Variants in ZSCAN5A observed in about 807,000 individuals in gnomAD.
ZSCAN5A encodes zinc finger and SCAN domain-containing protein 5A.
ZSCAN5A carries 12 observed loss-of-function variants against 23.7 expected under a neutral mutation model. The ratio of observed to expected loss-of-function variants is 0.51; its 90% CI spans 0.32 to 0.82. The LOEUF is 0.82. Ranked by LOEUF, ZSCAN5A falls within the 40% of genes least tolerant of loss-of-function variation. The pLI is 0.03. For missense variants in ZSCAN5A, 597 were observed against 617.9 expected (o/e 0.97, Z 0.36); for synonymous variants, 257 against 239.9 (o/e 1.07, Z -0.66).
intron 2 of ZSCAN5A, among the ~76,000 whole-genome samples, chr19:56,271,291 AC>A (rs2037830075): frequency 6.6e-6 from 1 of 152,086 alleles, no homozygotes; most frequent in Non-Finnish European, 1.5e-5. Context: ...CTTTCCCACT[AC>A]CCTGCCTGCC....
At position 56,221,470 on chromosome 19, in the gene ZSCAN5A, C is replaced by G. The variant is rs987509992; in HGVS notation, c.*105G>C. On this transcript the variant is annotated 3_prime_UTR_variant, in exon 6 of 6. Transcript: ENST00000683990. ...GCAATTCATATCTAGGGCACTCCCT[C>G]TGTGTGTCAGACGCCCTTGCATGTG... is the stretch of plus-strand genomic sequence containing the variant. 9 of 1,404,210 alleles carry G rather than the reference C, an allele frequency of 6.4e-6. No individual in the cohort carries two copies. The highest frequency in any genetic ancestry group is 7.7e-6 in the Non-Finnish European group (8 of 1,037,788). The allele number at this position is 1,404,210 out of a possible 1,614,324, so 87.0% of individuals were successfully genotyped here. A position where few individuals can be genotyped will look rare whatever the true frequency, so the allele number is the denominator to read the frequency against.
intron 2 of ZSCAN5A, chr19:56,246,605 C>T (rs530473511): frequency 3.7e-5 from 25 of 672,394 alleles, no homozygotes; most frequent in African/African-American, 2.0e-4. Flanking sequence ...CAGAGACCTA[C>T]GGTCCAATGT....
At chr19:56,255,633 A>C (rs2146793662) in intron 2 of ZSCAN5A, among the ~76,000 whole-genome samples, 2 of 151,700 alleles carry the variant, frequency 1.3e-5, no homozygotes, top group South Asian at 2.1e-4. Context: ...TCCCTCAAAG[A>C]AGCTGTTTTT....
chr19:56,309,631 C>G (rs2040905358), intron 2 of ZSCAN5A, among the ~76,000 whole-genome samples: 1 of 152,222 alleles, frequency 6.6e-6, no homozygotes, highest in South Asian at 2.1e-4. Flanking sequence ...CACCCAGAAG[C>G]AAACCTTAAG....
At chr19:56,252,937 G>A (rs1262815737) in intron 2 of ZSCAN5A, among the ~76,000 whole-genome samples, 2 of 152,254 alleles carry the variant, frequency 1.3e-5, no homozygotes, top group Non-Finnish European at 1.5e-5. Flanking sequence ...GGAGCAAGAA[G>A]AAAGACAAGA....
chr19:56,324,813 C>A lies in ZSCAN5A; in HGVS notation c.-357-8545G>T, dbSNP rs2041417809. 2.6e-5 allele frequency among the ~76,000 whole-genome samples: 4 copies of A among 152,204 alleles called. No homozygotes were observed. In the South Asian group the frequency reaches 6.2e-4, roughly 24 times the overall value. On this transcript the variant is annotated intron_variant, in intron 2 of 6. Coordinates refer to the ZSCAN5A transcript ENST00000587340. ...AAGTCCTGGAACAGGTTGTGTGAGC[C>A]CCTTGAGGCATTCACCCAGCACTGT...
chr19:56,321,042 GA>G (rs1417517342), intron 2 of ZSCAN5A: 3 of 705,794 alleles, frequency 4.3e-6, no homozygotes, highest in Middle Eastern at 2.6e-4. Flanking sequence ...TTCTCTCACT[GA>G]CATGGACAAC....
intron 2 of ZSCAN5A, among the ~76,000 whole-genome samples, chr19:56,294,415 T>C (rs1474304507): frequency 6.6e-6 from 1 of 152,256 alleles, no homozygotes; most frequent in Non-Finnish European, 1.5e-5. Flanking sequence ...GATTCTATTT[T>C]CCTACCTGAT....
intron 2 of ZSCAN5A, chr19:56,338,550 C>A (rs1319385407): frequency 1.3e-5 from 2 of 152,190 alleles, no homozygotes; most frequent in African/African-American, 4.8e-5. Context: ...GGTTACTTTC[C>A]AGGAAGACTA....
intron 2 of ZSCAN5A, among the ~76,000 whole-genome samples, chr19:56,227,769 T>G (rs964343456): frequency 6.6e-6 from 1 of 151,800 alleles, no homozygotes; most frequent in African/African-American, 2.4e-5. Context: ...TTAAAAAGGG[T>G]GTGTGGCAGG....
intron 2 of ZSCAN5A, chr19:56,340,877 CAGG>C (rs1230853008): frequency 6.8e-5 from 10 of 147,822 alleles, no homozygotes; most frequent in African/African-American, 2.4e-4. Context: ...TCTTCCCTTG[CAGG>C]AGAAGAGGGA....
intron 2 of ZSCAN5A, among the ~76,000 whole-genome samples, chr19:56,226,499 C>A (rs1202863826): frequency 1.3e-5 from 2 of 152,172 alleles, no homozygotes; most frequent in African/African-American, 4.8e-5. Flanking sequence ...CAGGGACATG[C>A]AAATCCAAAC....
At chr19:56,363,421 G>A (rs1295915340) in intron 1 of ZSCAN5A, 1 of 152,184 alleles carries the variant, frequency 6.6e-6, no homozygotes, top group African/African-American at 2.4e-5. Flanking sequence ...AGCCAGTGGA[G>A]TATTGCTATA....
chr19:56,300,171 T>G (rs2040135344), intron 2 of ZSCAN5A, among the ~76,000 whole-genome samples: 1 of 152,158 alleles, frequency 6.6e-6, no homozygotes, highest in Non-Finnish European at 1.5e-5. Flanking sequence ...GAAAATAGTT[T>G]TATTAATGGG....
intron 2 of ZSCAN5A, among the ~76,000 whole-genome samples, chr19:56,335,515 T>C (rs2041526991): frequency 6.6e-6 from 1 of 152,244 alleles, no homozygotes; most frequent in Non-Finnish European, 1.5e-5. Context: ...TACAGCACAC[T>C]AATGGGTCTT....
At chr19:56,273,031 C>A in intron 2 of ZSCAN5A, 2 of 287,852 alleles carry the variant, frequency 6.9e-6, no homozygotes, top group Non-Finnish European at 1.0e-5. Context: ...CTTCTTCTTG[C>A]TTCCCATTTA....
rs977455495 is a variant in ZSCAN5A at position 56,351,127 on chromosome 19, C to CTGT, written c.-358+12107_-358+12108insACA. ...GGAGTTATTAAGAAATCATTTTAGG[C>CTGT]ATACAGTAAGGGTAAAGGTTCTTGG... On this transcript the variant is annotated intron_variant, in intron 2 of 6. Transcript: ENST00000587340. This position sits in a 1 kb window ranked among gnomAD's most constrained non-coding sequence, Gnocchi z 4.8. 9.2e-5 allele frequency among the ~76,000 whole-genome samples: 14 copies of CTGT among 152,132 alleles called. No individual in the cohort carries two copies. The highest frequency in any genetic ancestry group is 3.4e-4 in the African/African-American group (14 of 41,520).
intron 2 of ZSCAN5A, among the ~76,000 whole-genome samples, chr19:56,309,688 G>A (rs2040910407): frequency 6.6e-6 from 1 of 152,188 alleles, no homozygotes; most frequent in South Asian, 2.1e-4. Flanking sequence ...CAGGCTAGGG[G>A]GTGCAGCCCA....
chr19:56,272,969 T>A (rs2037962801), intron 2 of ZSCAN5A: 1 of 852,070 alleles, frequency 1.2e-6, no homozygotes. Flanking sequence ...TCTTACAACT[T>A]GGGAGGCTCT....
Sources: gnomAD v4.1 joint callset for allele counts (sites outside exome capture counted in the v4.1 genomes callset) on GRCh38, gnomAD v4.1.1 for gene constraint, Gnocchi (gnomAD v3.1) non-coding constraint, MANE v1.5 for transcripts, NCBI Gene and HGNC (gene_info 2026-07-23, HGNC 2026-07-21) for gene names.